Variants in ARMC2 observed in about 807,000 individuals in gnomAD.
ARMC2 encodes the protein armadillo repeat containing 2.
A neutral mutation model predicts 90.3 loss-of-function variants in ARMC2; 67 were observed. That is an observed-to-expected ratio of 0.74 (90% CI 0.61 to 0.91). ARMC2 has a LOEUF of 0.91. ARMC2 is among the 40% of genes least tolerant of loss of function. The probability of loss-of-function intolerance (pLI) is 0.00; values close to 1 mark genes in which losing one functional copy is unlikely to be tolerated. For missense variants in ARMC2, 920 were observed against 1,030.9 expected (o/e 0.89, Z 1.47); for synonymous variants, 393 against 393.0 (o/e 1.00, Z 0.00).
chr6:108,923,749 C>G (rs1312016076), intron 10 of ARMC2, among the ~76,000 whole-genome samples: 1 of 151,932 alleles, frequency 6.6e-6, no homozygotes, highest in Non-Finnish European at 1.5e-5. Flanking sequence ...GATACAGGGC[C>G]TTCAGAGCTG....
chr6:108,929,563 C>G (rs1775362562), intron 11 of ARMC2, among the ~76,000 whole-genome samples: 1 of 152,192 alleles, frequency 6.6e-6, no homozygotes, highest in African/African-American at 2.4e-5. Flanking sequence ...ACAGCCTCGA[C>G]TGCCCAGGCT....
chr6:109,045,721 T>G, the ARMC2 span, among the ~76,000 whole-genome samples: 1 of 152,182 alleles, frequency 6.6e-6, no homozygotes, highest in Non-Finnish European at 1.5e-5. Context: ...ATCCAAAGCC[T>G]TTGCAGAATT....
At chr6:108,946,397 C>A (rs1452428969) in intron 12 of ARMC2, among the ~76,000 whole-genome samples, 3 of 152,206 alleles carry the variant, frequency 2.0e-5, no homozygotes, top group Admixed American at 1.3e-4. Flanking sequence ...ATTTCAGATT[C>A]TTCGATTTTA....
chr6:108,956,534 TA>T (rs112863867), intron 13 of ARMC2, among the ~76,000 whole-genome samples: 572 of 134,914 alleles, frequency 4.2e-3, no homozygotes, highest in East Asian at 7.5e-3. Flanking sequence ...CTGTCTCTAT[TA>T]AAAAAAAAAA....
intron 5 of ARMC2, among the ~76,000 whole-genome samples, chr6:108,892,663 G>A (rs1217635702): frequency 6.6e-6 from 1 of 151,736 alleles, no homozygotes; most frequent in Non-Finnish European, 1.5e-5. Flanking sequence ...GGAGGCTGAG[G>A]CAGGAGAATC....
At chr6:108,860,174 C>T in intron 3 of ARMC2, among the ~76,000 whole-genome samples, 1 of 150,718 alleles carries the variant, frequency 6.6e-6, no homozygotes, top group African/African-American at 2.4e-5. Flanking sequence ...AAGTTTTTTT[C>T]CCTCTACATT....
chr6:108,866,622 C>G (rs1236570843), intron 3 of ARMC2, among the ~76,000 whole-genome samples: 1 of 152,202 alleles, frequency 6.6e-6, no homozygotes, highest in Non-Finnish European at 1.5e-5. Flanking sequence ...AAGGAGACTA[C>G]TGTCTCTGTG....
chr6:108,960,961 C>T (rs564323273), intron 13 of ARMC2, among the ~76,000 whole-genome samples: 2 of 152,196 alleles, frequency 1.3e-5, no homozygotes, highest in South Asian at 2.1e-4. Flanking sequence ...GCAGTCTATT[C>T]GTGGGTTATG....
the ARMC2 span, among the ~76,000 whole-genome samples, chr6:109,040,964 A>C: frequency 2.0e-5 from 3 of 151,894 alleles, no homozygotes; most frequent in African/African-American, 4.8e-5. Flanking sequence ...AACTAGCATA[A>C]ATTTTTAAAA....
chr6:108,873,470 G>C (rs961119204), intron 4 of ARMC2, among the ~76,000 whole-genome samples: 1 of 152,110 alleles, frequency 6.6e-6, no homozygotes, highest in Non-Finnish European at 1.5e-5. Flanking sequence ...GGGTGCACCG[G>C]CAGGGTGGAA....
downstream of ARMC2, among the ~76,000 whole-genome samples, chr6:108,979,087 T>A (rs1280010241): frequency 2.0e-5 from 3 of 152,234 alleles, no homozygotes; most frequent in Non-Finnish European, 4.4e-5. Flanking sequence ...CTTTGTAGCA[T>A]CAATGGTCTT....
chr6:108,933,633 C>T (rs1462191120), intron 11 of ARMC2, among the ~76,000 whole-genome samples: 2 of 152,036 alleles, frequency 1.3e-5, no homozygotes, highest in African/African-American at 2.4e-5. Context: ...TGACTTCCTC[C>T]CTTTCTGTTT....
chr6:108,985,137 A>G, the ARMC2 span, among the ~76,000 whole-genome samples: 1 of 152,060 alleles, frequency 6.6e-6, no homozygotes, highest in Non-Finnish European at 1.5e-5. Flanking sequence ...GAATATGCTA[A>G]TAAAATTTCA....
At chr6:109,046,173 C>T in the ARMC2 span, among the ~76,000 whole-genome samples, 8 of 151,176 alleles carry the variant, frequency 5.3e-5, no homozygotes, top group South Asian at 2.1e-4. Flanking sequence ...GCTGCCATCT[C>T]GGCTCACTGC....
intron 7 of ARMC2, among the ~76,000 whole-genome samples, chr6:108,900,688 C>G (rs568321202): frequency 6.6e-6 from 1 of 152,306 alleles, no homozygotes; most frequent in South Asian, 2.1e-4. Context: ...TGGTGCTTGG[C>G]TGTGTTCATG....
the ARMC2 span, among the ~76,000 whole-genome samples, chr6:109,006,462 C>T: frequency 1.5e-5 from 2 of 137,170 alleles, no homozygotes; most frequent in East Asian, 2.4e-4. Flanking sequence ...CCCTACCCCA[C>T]GACAGGCCCC....
At chr6:108,912,968 T>C (rs1481923237) in intron 10 of ARMC2, among the ~76,000 whole-genome samples, 1 of 152,130 alleles carries the variant, frequency 6.6e-6, no homozygotes, top group Non-Finnish European at 1.5e-5. Context: ...AAACAGAAGG[T>C]AACGGGATTG....
At chr6:108,928,823 T>G (rs868504585) in intron 11 of ARMC2, among the ~76,000 whole-genome samples, 2 of 152,204 alleles carry the variant, frequency 1.3e-5, no homozygotes, top group Admixed American at 6.5e-5. Context: ...GCGCTGCTCT[T>G]TGTCAGTATT....
the ARMC2 span, among the ~76,000 whole-genome samples, chr6:109,032,550 G>A: frequency 3.3e-5 from 5 of 151,948 alleles, no homozygotes; most frequent in East Asian, 5.8e-4. Flanking sequence ...CCCAGGAGGC[G>A]GAGGTTGCAA....
Sources: allele counts gnomAD v4.1 joint callset (sites outside exome capture counted in the v4.1 genomes callset), GRCh38; gene constraint gnomAD v4.1.1; transcripts MANE v1.5; gene names NCBI Gene and HGNC (gene_info 2026-07-23, HGNC 2026-07-21).